The following PALM2AKAP2 variants were observed in gnomAD, a reference collection of about 807,000 sequenced individuals.
PALM2AKAP2 encodes PALM2-AKAP2 fusion protein.
In PALM2AKAP2, 37 loss-of-function variants were observed where a neutral mutation model predicts 71.5. That is an observed-to-expected ratio of 0.52 (90% CI 0.40 to 0.68). The LOEUF is 0.68. Among genes scored for constraint, PALM2AKAP2 ranks in the 30% least tolerant of loss-of-function variants. The pLI is 0.00. For synonymous variants in PALM2AKAP2, 468 were observed against 478.8 expected (o/e 0.98, Z 0.29); for missense variants, 1,224 against 1,191.8 (o/e 1.03, Z -0.40).
chr9:109,776,626 C>T (rs1049663777), upstream of PALM2AKAP2, among the ~76,000 whole-genome samples: 2 of 152,214 alleles, frequency 1.3e-5, no homozygotes, highest in Admixed American at 6.5e-5. Flanking sequence ...TCTGATACCT[C>T]CCAGCTTCTA....
At chr9:109,811,648 T>C (rs902805410) in intron 1 of PALM2AKAP2, among the ~76,000 whole-genome samples, 1 of 152,312 alleles carries the variant, frequency 6.6e-6, no homozygotes, top group Admixed American at 6.5e-5. Context: ...CATAGCTCAC[T>C]GCAGCCTTGA....
intron 1 of PALM2AKAP2, among the ~76,000 whole-genome samples, chr9:110,114,387 T>C (rs1835316581): frequency 6.6e-6 from 1 of 152,218 alleles, no homozygotes; most frequent in African/African-American, 2.4e-5. Flanking sequence ...TGATCTCATC[T>C]TAACAAATTA....
chr9:109,954,938 G>A (rs1178615893), intron 6 of PALM2AKAP2, among the ~76,000 whole-genome samples: 1 of 152,102 alleles, frequency 6.6e-6, no homozygotes, highest in Non-Finnish European at 1.5e-5. Context: ...GGAGCTGATG[G>A]TGGTTGCTAA....
intron 6 of PALM2AKAP2, among the ~76,000 whole-genome samples, chr9:110,011,783 T>C (rs749104674): frequency 6.6e-6 from 1 of 152,176 alleles, no homozygotes; most frequent in Admixed American, 6.5e-5. Context: ...CTCCTTCGAC[T>C]CCACATTCTC....
chr9:109,742,273 A>G (rs1328894908), intron 1 of PALM2AKAP2, among the ~76,000 whole-genome samples: 2 of 148,422 alleles, frequency 1.3e-5, no homozygotes, highest in African/African-American at 5.2e-5. Context: ...ACACACACAC[A>G]CACACACACA....
chr9:109,796,128 T>C (rs1303748768), intron 1 of PALM2AKAP2, among the ~76,000 whole-genome samples: 1 of 152,240 alleles, frequency 6.6e-6, no homozygotes, highest in Non-Finnish European at 1.5e-5. Flanking sequence ...TTGGACTCCT[T>C]AGCAGTCTTG....
At chr9:109,881,652 A>G (rs1310689458) in intron 3 of PALM2AKAP2, among the ~76,000 whole-genome samples, 2 of 152,182 alleles carry the variant, frequency 1.3e-5, no homozygotes, top group Non-Finnish European at 2.9e-5. Context: ...GTCTGTGGGC[A>G]ATAACTGGCC....
chr9:109,880,706 C>T (rs1247812125), intron 3 of PALM2AKAP2, 25 bp downstream of exon 3: 6 of 1,611,862 alleles, frequency 3.7e-6, no homozygotes, highest in South Asian at 1.1e-5. Context: ...GCCCAGGGAA[C>T]CCATGCTACA....
At chr9:109,879,728 G>A (rs1259983109) in intron 2 of PALM2AKAP2, among the ~76,000 whole-genome samples, 1 of 140,812 alleles carries the variant, frequency 7.1e-6, no homozygotes, top group Non-Finnish European at 1.5e-5. Flanking sequence ...ACAGGGTCTC[G>A]TTCTATCACC....
At chr9:109,976,073 G>A (rs776743571) in intron 6 of PALM2AKAP2, among the ~76,000 whole-genome samples, 1 of 152,174 alleles carries the variant, frequency 6.6e-6, no homozygotes, top group Non-Finnish European at 1.5e-5. Flanking sequence ...TTACTGGAAC[G>A]GAGTGTAGTG....
In PALM2AKAP2 at chr9:109,954,506, A is replaced by G. The variant is rs562172780; in HGVS notation, c.496+22478A>G. 5.6e-4 allele frequency among the ~76,000 whole-genome samples: 43 copies of G among 76,384 alleles called. No homozygotes were observed. In the East Asian group the frequency reaches 0.018, roughly 31 times the overall value. 50.1% of individuals were successfully genotyped at this position (76,384 alleles called of 152,430 possible). A position where few individuals can be genotyped will look rare whatever the true frequency, so the allele number is the denominator to read the frequency against. ...GGGAATATCACACTCTGGGGACTGT[A>G]GTGGGGTGGGGGGAGGGGGGAGGGA... On this transcript the variant is annotated intron_variant, in intron 6 of 9. Transcript: ENST00000302798.
At chr9:110,025,851 G>A (rs368901473) in intron 7 of PALM2AKAP2, among the ~76,000 whole-genome samples, 1 of 152,204 alleles carries the variant, frequency 6.6e-6, no homozygotes, top group East Asian at 1.9e-4. Context: ...TTAATGGCTT[G>A]ATTTCCTTTT....
intron 6 of PALM2AKAP2, among the ~76,000 whole-genome samples, chr9:109,967,518 T>C (rs1831976959): frequency 6.6e-6 from 1 of 152,104 alleles, no homozygotes; most frequent in African/African-American, 2.4e-5. Context: ...CAAGTGATTC[T>C]TGTGCCTCAG....
chr9:109,710,638 A>G (rs1238567124), intron 1 of PALM2AKAP2, among the ~76,000 whole-genome samples: 1 of 152,212 alleles, frequency 6.6e-6, no homozygotes, highest in East Asian at 1.9e-4. Flanking sequence ...GATGGCTCTC[A>G]GGATTGGATG....
intron 2 of PALM2AKAP2, among the ~76,000 whole-genome samples, chr9:110,142,571 A>G (rs1281120356): frequency 6.6e-6 from 1 of 152,222 alleles, no homozygotes; most frequent in East Asian, 1.9e-4. Flanking sequence ...GACCTGTAGG[A>G]GCACAAACAA....
At chr9:109,900,571 T>C (rs1830304706) in intron 3 of PALM2AKAP2, among the ~76,000 whole-genome samples, 1 of 152,158 alleles carries the variant, frequency 6.6e-6, no homozygotes, top group African/African-American at 2.4e-5. Flanking sequence ...AGTTAATCTT[T>C]CTAAAATGTA....
intron 1 of PALM2AKAP2, among the ~76,000 whole-genome samples, chr9:110,134,862 G>A (rs118120416): frequency 1.9e-4 from 29 of 152,034 alleles, no homozygotes; most frequent in Non-Finnish European, 3.8e-4. Context: ...GGTGTTGTAA[G>A]GTCCTTGATG....
chr9:109,784,784 G>A (rs1826917923), intron 1 of PALM2AKAP2, among the ~76,000 whole-genome samples: 1 of 152,252 alleles, frequency 6.6e-6, no homozygotes, highest in Non-Finnish European at 1.5e-5. Context: ...CAAGATGGCG[G>A]CAGCGTCTCG....
At chr9:110,118,172 T>G (rs1487975305) in intron 1 of PALM2AKAP2, among the ~76,000 whole-genome samples, 1 of 145,032 alleles carries the variant, frequency 6.9e-6, no homozygotes, top group African/African-American at 2.6e-5. Context: ...GGAATATATA[T>G]TATATATATA....
Sources: gnomAD v4.1 joint callset for allele counts (sites outside exome capture counted in the v4.1 genomes callset) on GRCh38, gnomAD v4.1.1 for gene constraint, MANE v1.5 for transcripts, NCBI Gene and HGNC (gene_info 2026-07-23, HGNC 2026-07-21) for gene names.